SLC5A12: variants seen among roughly 807,000 people sequenced by gnomAD.
SLC5A12 encodes solute carrier family 5 member 12, also known as sodium-coupled monocarboxylate transporter 2.
In SLC5A12, 46 loss-of-function variants were observed where a neutral mutation model predicts 72.7. That is an observed-to-expected ratio of 0.63 (90% CI 0.50 to 0.81). The LOEUF (loss-of-function observed/expected upper bound fraction) is 0.81. SLC5A12 is among the 30% of genes least tolerant of loss of function. The probability of loss-of-function intolerance (pLI) is 0.00; values close to 1 mark genes in which losing one functional copy is unlikely to be tolerated. For synonymous variants in SLC5A12, 275 were observed against 264.4 expected (o/e 1.04, Z -0.39); for missense variants, 683 against 740.7 (o/e 0.92, Z 0.90).
chr11:26,697,322 G>T (rs754741298), intron 7 of SLC5A12, 70 bp from the exon 8 acceptor site: 4 of 1,302,848 alleles, frequency 3.1e-6, no homozygotes, highest in South Asian at 2.7e-5. Context: ...AGAAGAGAGA[G>T]AAAAAAATAG....
At position 26,695,916 on chromosome 11, in the gene SLC5A12, C is replaced by G. The variant is rs75714935; in HGVS notation, c.1040+1248G>C. Among the ~76,000 whole-genome samples the G allele has an allele frequency of 5.6e-3, 846 of 152,278 alleles. 38 individuals are homozygous for G. The East Asian group carries it at 0.083, about 15-fold the overall frequency. ...TCCTCAAACACTCCATACAGTTTGT[C>G]TCCGCAGGGCTTTAGTATTTGCTTT... On this transcript the variant is annotated intron_variant, in intron 8 of 14. Transcript: ENST00000396005.
intron 1 of SLC5A12, among the ~76,000 whole-genome samples, chr11:26,718,910 A>T (rs569335175): frequency 3.6e-4 from 55 of 152,334 alleles, no homozygotes; most frequent in African/African-American, 1.3e-3. Context: ...GTCACTAAAA[A>T]GTTGAAAATA....
At chr11:26,675,481 C>A (rs1854244559) in intron 13 of SLC5A12, among the ~76,000 whole-genome samples, 1 of 152,066 alleles carries the variant, frequency 6.6e-6, no homozygotes, top group Admixed American at 6.6e-5. Flanking sequence ...CAGTGGACTG[C>A]TGAGAAAATT....
chr11:26,722,086 T>G (rs1362454802), upstream of SLC5A12: 1 of 185,296 alleles, frequency 5.4e-6, no homozygotes, highest in African/African-American at 2.4e-5. Context: ...CATGCTGTTT[T>G]ATCTCTTAGA....
At chr11:26,709,139 A>G (rs1290840634) in intron 4 of SLC5A12, 173 bp downstream of exon 4, 1 of 461,738 alleles carries the variant, frequency 2.2e-6, no homozygotes, top group Non-Finnish European at 3.9e-6. Flanking sequence ...GGTAATGAAA[A>G]GAATGTTAAA....
rs1424238967 is a variant in SLC5A12 at position 26,669,385 on chromosome 11, T to A, written c.*1717A>T. 6.6e-6 allele frequency: 1 copy of A among 151,782 alleles called. No individual in the cohort carries two copies. The highest frequency in any genetic ancestry group is 2.4e-5 in the African/African-American group (1 of 41,376). 9.4% of individuals were successfully genotyped at this position (151,782 alleles called of 1,614,324 possible). A position where few individuals can be genotyped will look rare whatever the true frequency, so the allele number is the denominator to read the frequency against. On this transcript the variant is annotated 3_prime_UTR_variant, in exon 15 of 15. Coordinates refer to ENST00000396005, the MANE Select transcript of SLC5A12 (RefSeq NM_178498.4). Reference sequence around the variant, plus strand: ...ACCTCTCAATTTGCAAATCCTTAGATCAACAGCTTAATTAGCGTTGCCAGA... The same window carrying A: ...ACCTCTCAATTTGCAAATCCTTAGAACAACAGCTTAATTAGCGTTGCCAGA...
At chr11:26,698,340 T>A in intron 7 of SLC5A12, 66 bp downstream of exon 7, 12 of 1,572,046 alleles carry the variant, frequency 7.6e-6, no homozygotes, top group Non-Finnish European at 1.0e-5. Flanking sequence ...AGGCCAAGAT[T>A]ATCCACCAAT....
intron 4 of SLC5A12, 44 bp downstream of exon 4, chr11:26,709,268 A>G: frequency 2.1e-6 from 3 of 1,423,754 alleles, no homozygotes; most frequent in Non-Finnish European, 2.9e-6. Context: ...CTTATCCCAT[A>G]TTAGGAGGTA....
chr11:26,703,407 C>T (rs1234103660), intron 6 of SLC5A12, 124 bp downstream of exon 6: 1 of 1,028,474 alleles, frequency 9.7e-7, no homozygotes, highest in Non-Finnish European at 1.4e-6. Flanking sequence ...CTCTGCCTCT[C>T]TCTTACACAC....
At chr11:26,694,286 T>G (rs1854755284) in intron 8 of SLC5A12, among the ~76,000 whole-genome samples, 1 of 152,046 alleles carries the variant, frequency 6.6e-6, no homozygotes, top group African/African-American at 2.4e-5. Context: ...GTAATCTCCC[T>G]ATACCATATG....
chr11:26,684,938 A>T (rs2133153065), intron 10 of SLC5A12, among the ~76,000 whole-genome samples: 1 of 152,330 alleles, frequency 6.6e-6, no homozygotes, highest in African/African-American at 2.4e-5. Flanking sequence ...AGATCACTAA[A>T]GACAAACCTC....
At chr11:26,698,791 G>T (rs892347780) in intron 6 of SLC5A12, among the ~76,000 whole-genome samples, 2 of 151,796 alleles carry the variant, frequency 1.3e-5, no homozygotes, top group Non-Finnish European at 1.5e-5. Context: ...AAGAGTTTTT[G>T]CAAAACCTTG....
intron 1 of SLC5A12, among the ~76,000 whole-genome samples, chr11:26,718,894 T>C (rs1033859143): frequency 7.9e-5 from 12 of 152,190 alleles, no homozygotes; most frequent in Admixed American, 6.5e-5. Context: ...GATTACTTAC[T>C]ATTAGGTCAC....
chr11:26,674,108 G>A (rs1352313295), intron 13 of SLC5A12, among the ~76,000 whole-genome samples: 1 of 151,892 alleles, frequency 6.6e-6, no homozygotes, highest in Non-Finnish European at 1.5e-5. Flanking sequence ...TTCAAATCCT[G>A]CTGTGGAACA....
At chr11:26,673,358 C>T in intron 14 of SLC5A12, 44 bp downstream of exon 14, 2 of 1,466,138 alleles carry the variant, frequency 1.4e-6, no homozygotes, top group African/African-American at 1.4e-5. Flanking sequence ...CCAGGAATCC[C>T]TTTGAGTCCA....
chr11:26,676,918 G>C, intron 13 of SLC5A12, among the ~76,000 whole-genome samples: 1 of 151,960 alleles, frequency 6.6e-6, no homozygotes, highest in Non-Finnish European at 1.5e-5. Flanking sequence ...CACCTATTAA[G>C]ACCAAACAAG....
At chr11:26,683,547 T>C (rs2133149545) in intron 11 of SLC5A12, among the ~76,000 whole-genome samples, 1 of 152,208 alleles carries the variant, frequency 6.6e-6, no homozygotes, top group East Asian at 1.9e-4. Flanking sequence ...TATGTGGCAG[T>C]TCATAACTAC....
chr11:26,677,217 C>T (rs2133136456), intron 13 of SLC5A12, among the ~76,000 whole-genome samples: 1 of 152,124 alleles, frequency 6.6e-6, no homozygotes, highest in Non-Finnish European at 1.5e-5. Context: ...TCGCTTTTGG[C>T]CTGAAGGGCA....
At chr11:26,693,915 G>T (rs1854745335) in intron 8 of SLC5A12, among the ~76,000 whole-genome samples, 1 of 152,006 alleles carries the variant, frequency 6.6e-6, no homozygotes. Flanking sequence ...CTTCTATCTG[G>T]AGCTCCATAA....
Sources: allele counts gnomAD v4.1 joint callset (sites outside exome capture counted in the v4.1 genomes callset), GRCh38; gene constraint gnomAD v4.1.1; transcripts MANE v1.5; gene names NCBI Gene and HGNC (gene_info 2026-07-23, HGNC 2026-07-21).